Variants in SLC44A3 observed in about 807,000 individuals in gnomAD.
SLC44A3 encodes solute carrier family 44 member 3, also known as choline transporter-like protein 3.
A neutral mutation model predicts 75.4 loss-of-function variants in SLC44A3; 74 were observed. That is an observed-to-expected ratio of 0.98 (90% CI 0.81 to 1.19). The LOEUF (loss-of-function observed/expected upper bound fraction) is 1.19, where lower values mean the gene tolerates loss of function less well. SLC44A3 is among the 50% of genes most tolerant of loss of function. SLC44A3 has a pLI of 0.00. For missense variants in SLC44A3, 700 were observed against 778.6 expected (o/e 0.90, Z 1.20); for synonymous variants, 310 against 296.9 (o/e 1.04, Z -0.45).
intron 12 of SLC44A3, among the ~76,000 whole-genome samples, chr1:94,877,018 C>T (rs374669149): frequency 1.3e-5 from 2 of 151,974 alleles, no homozygotes; most frequent in African/African-American, 2.4e-5. Context: ...TAGGTGACTA[C>T]CTGTCCTGGT....
intron 8 of SLC44A3, among the ~76,000 whole-genome samples, chr1:94,843,887 T>C (rs996062794): frequency 8.9e-6 from 1 of 112,038 alleles, no homozygotes; most frequent in Non-Finnish European, 1.9e-5. Context: ...GTGGGGGGGG[T>C]GGTCAGGGAG....
intron 14 of SLC44A3, among the ~76,000 whole-genome samples, chr1:94,892,793 CAGA>C (rs977630665): frequency 6.6e-6 from 1 of 152,206 alleles, no homozygotes; most frequent in South Asian, 2.1e-4. Flanking sequence ...TTACCCTGGG[CAGA>C]AGATGTCCTG....
chr1:94,847,618 C>G (rs1227290967), intron 9 of SLC44A3, among the ~76,000 whole-genome samples: 1 of 152,214 alleles, frequency 6.6e-6, no homozygotes, highest in Non-Finnish European at 1.5e-5. Context: ...GGGCTCAGCC[C>G]TGGTCAGAAG....
At chr1:94,877,977 G>A (rs1668476987) in intron 12 of SLC44A3, among the ~76,000 whole-genome samples, 1 of 152,168 alleles carries the variant, frequency 6.6e-6, no homozygotes, top group Non-Finnish European at 1.5e-5. Flanking sequence ...GCTCACACCT[G>A]TAATCCCAGC....
intron 12 of SLC44A3, among the ~76,000 whole-genome samples, chr1:94,871,840 G>A (rs770922824): frequency 3.3e-5 from 5 of 152,192 alleles, no homozygotes; most frequent in Non-Finnish European, 7.3e-5. Context: ...ACTAAAATGT[G>A]TTCTTTATAA....
At chr1:94,843,323 C>T (rs1056779195) in intron 8 of SLC44A3, 1 of 152,250 alleles carries the variant, frequency 6.6e-6, no homozygotes, top group African/African-American at 2.4e-5. Flanking sequence ...TGAGTCCCAG[C>T]TCACCTCCCG....
chr1:94,831,684 A>G (rs1246119781), intron 5 of SLC44A3, among the ~76,000 whole-genome samples: 1 of 152,234 alleles, frequency 6.6e-6, no homozygotes, highest in Non-Finnish European at 1.5e-5. Flanking sequence ...TTTTCCCCCC[A>G]GTAAATTCTA....
intron 10 of SLC44A3, among the ~76,000 whole-genome samples, chr1:94,864,147 C>T (rs1666892981): frequency 6.6e-6 from 1 of 152,076 alleles, no homozygotes; most frequent in Non-Finnish European, 1.5e-5. Flanking sequence ...TTCTTGGGAG[C>T]TGCGTCATGA....
chr1:94,828,593 G>C lies in SLC44A3; in HGVS notation c.509+7G>C, dbSNP rs113953918. ...GGCTACCAGTTCCTCCAAGGTAAAA[G>C]CTTCCATACTTTTTCCTTAACTCTA... On this transcript the variant is annotated splice_region_variant and intron_variant, in intron 5 of 14. Transcript: ENST00000271227. 8 of 1,613,106 alleles carry C rather than the reference G, an allele frequency of 5.0e-6. No individual in the cohort carries two copies. In the African/African-American group the frequency reaches 6.7e-5, roughly 13 times the overall value.
At chr1:94,850,954 G>A (rs1334292847) in intron 9 of SLC44A3, among the ~76,000 whole-genome samples, 1 of 152,116 alleles carries the variant, frequency 6.6e-6, no homozygotes, top group Non-Finnish European at 1.5e-5. Context: ...TCTAGGAAAA[G>A]AGTAAAGGGA....
At position 94,866,359 on chromosome 1, in the gene SLC44A3, T is replaced by G. The variant is rs186665863; in HGVS notation, c.1396-972T>G. Reference sequence around the variant, plus strand: ...AGGCCCAAGGTCTCTCTGACTGAGGTCTAAAAGGTTATTTATCACTTCCCA... The same window carrying G: ...AGGCCCAAGGTCTCTCTGACTGAGGGCTAAAAGGTTATTTATCACTTCCCA... On this transcript the variant is annotated intron_variant, in intron 11 of 14. Coordinates refer to ENST00000271227, the MANE Select transcript of SLC44A3 (RefSeq NM_001114106.3). 4.9e-3 allele frequency among the ~76,000 whole-genome samples: 742 copies of G among 152,232 alleles called. 4 individuals carry two copies. The highest frequency in any genetic ancestry group is 0.02 in the Middle Eastern group (6 of 294).
At chr1:94,842,758 G>T (rs1441733245) in intron 8 of SLC44A3, among the ~76,000 whole-genome samples, 1 of 152,218 alleles carries the variant, frequency 6.6e-6, no homozygotes, top group African/African-American at 2.4e-5. Flanking sequence ...CCCCAGAGTC[G>T]TCGTTGCTGG....
In SLC44A3 at chr1:94,837,843, A is replaced by G. The variant is rs746772780; in HGVS notation, c.642A>G (p.Thr214=). 4.3e-6 allele frequency: 7 copies of G among 1,609,468 alleles called. No homozygotes were observed. Among genetic ancestry groups the G allele is most frequent in the Admixed American group, 1.7e-5 (1 of 58,788 alleles). The change falls in exon 6 of 15, where the codon ACA becomes ACG. Residue 214 remains threonine, a synonymous_variant. Coordinates refer to ENST00000271227, the MANE Select transcript of SLC44A3 (RefSeq NM_001114106.3). ...GTGGAATCATGTCGGGAAGAGATAC[A>G]ATCCTTGGCCTGTGTATCCTCGCAT... The part of the protein sequence containing the change: ...ILSGIMSGRD[T]ILGLCILALA...
chr1:94,820,664 G>T (rs1660431914), intron 1 of SLC44A3, 186 bp downstream of exon 1: 2 of 1,384,900 alleles, frequency 1.4e-6, no homozygotes, highest in Non-Finnish European at 1.9e-6. Context: ...CTGGGGCGGA[G>T]GCGGGGGAGA....
intron 12 of SLC44A3, among the ~76,000 whole-genome samples, chr1:94,867,993 T>G (rs1667358953): frequency 6.6e-6 from 1 of 152,238 alleles, no homozygotes; most frequent in African/African-American, 2.4e-5. Context: ...TTTCCTGAAC[T>G]AGGAAAAGAA....
chr1:94,827,093 C>T (rs1661468957), intron 3 of SLC44A3, among the ~76,000 whole-genome samples: 1 of 152,172 alleles, frequency 6.6e-6, no homozygotes, highest in Non-Finnish European at 1.5e-5. Flanking sequence ...TTCTCACTTC[C>T]CTGTGTTCAG....
At chr1:94,886,670 A>C (rs1669626903) in intron 12 of SLC44A3, among the ~76,000 whole-genome samples, 1 of 151,876 alleles carries the variant, frequency 6.6e-6, no homozygotes, top group Non-Finnish European at 1.5e-5. Context: ...TGTGCTATGT[A>C]TTTCATTGTT....
At chr1:94,851,765 G>A (rs894275656) in intron 9 of SLC44A3, among the ~76,000 whole-genome samples, 1 of 152,224 alleles carries the variant, frequency 6.6e-6, no homozygotes, top group Non-Finnish European at 1.5e-5. Flanking sequence ...GCTGGGGCTG[G>A]CAGGACTCTT....
At chr1:94,826,451 G>T (rs1661352615) in intron 3 of SLC44A3, among the ~76,000 whole-genome samples, 1 of 152,158 alleles carries the variant, frequency 6.6e-6, no homozygotes, top group Non-Finnish European at 1.5e-5. Flanking sequence ...AGGAGTTCAA[G>T]ACCAGCCTGG....
Sources: allele counts gnomAD v4.1 joint callset (sites outside exome capture counted in the v4.1 genomes callset), GRCh38; gene constraint gnomAD v4.1.1; transcripts MANE v1.5; gene names NCBI Gene and HGNC (gene_info 2026-07-23, HGNC 2026-07-21).